DGKI: variants seen among roughly 807,000 people sequenced by gnomAD.
The protein encoded by DGKI is diacylglycerol kinase iota, also known as DAG kinase iota.
DGKI carries 55 observed loss-of-function variants against 147.5 expected under a neutral mutation model. The ratio of observed to expected loss-of-function variants is 0.37; its 90% CI spans 0.30 to 0.47. The LOEUF (loss-of-function observed/expected upper bound fraction) is 0.47. DGKI is among the 20% of genes least tolerant of loss of function. The pLI is 1.00. For missense variants in DGKI, 1,007 were observed against 1,323.8 expected, an observed-to-expected ratio of 0.76 and a Z score of 3.71; for synonymous variants, 469 against 477.1, an observed-to-expected ratio of 0.98 and a Z score of 0.22.
chr7:137,526,796 C>T (rs944590437), intron 20 of DGKI, among the ~76,000 whole-genome samples: 4 of 152,074 alleles, frequency 2.6e-5, no homozygotes, highest in Non-Finnish European at 5.9e-5. Flanking sequence ...AGTCGTATTC[C>T]TCCCTAGTGC....
intron 20 of DGKI, among the ~76,000 whole-genome samples, chr7:137,550,292 C>T (rs930679371): frequency 6.6e-6 from 1 of 151,788 alleles, no homozygotes. Flanking sequence ...GCTGGGATTA[C>T]AGCCTCCTGA....
At chr7:137,739,575 T>C (rs762079434) in intron 1 of DGKI, among the ~76,000 whole-genome samples, 6 of 152,156 alleles carry the variant, frequency 3.9e-5, no homozygotes, top group Admixed American at 2.0e-4. Flanking sequence ...TACTTGCTAA[T>C]TTCCCATGGG....
chr7:137,829,733 T>C (rs1037678354), intron 1 of DGKI, among the ~76,000 whole-genome samples: 2 of 152,234 alleles, frequency 1.3e-5, no homozygotes, highest in African/African-American at 4.8e-5. Flanking sequence ...GTAATTTTCT[T>C]GGCCACCAAA....
At chr7:137,762,458 C>T (rs929735084) in intron 1 of DGKI, among the ~76,000 whole-genome samples, 3 of 152,194 alleles carry the variant, frequency 2.0e-5, no homozygotes, top group Non-Finnish European at 4.4e-5. Flanking sequence ...CAGCAGGGAA[C>T]GCTAAAGTGA....
At chr7:137,679,811 A>C in intron 2 of DGKI, among the ~76,000 whole-genome samples, 1 of 151,790 alleles carries the variant, frequency 6.6e-6, no homozygotes, top group Non-Finnish European at 1.5e-5. Context: ...AACATGGTGA[A>C]ACCTCATCTC....
At chr7:137,627,488 T>C (rs866368596) in intron 6 of DGKI, among the ~76,000 whole-genome samples, 1 of 152,154 alleles carries the variant, frequency 6.6e-6, no homozygotes, top group Non-Finnish European at 1.5e-5. Context: ...CTTCACGCTA[T>C]CCAGACATTA....
intron 3 of DGKI, among the ~76,000 whole-genome samples, chr7:137,675,424 C>T (rs970641127): frequency 7.2e-6 from 1 of 139,460 alleles, no homozygotes; most frequent in Non-Finnish European, 1.5e-5. Flanking sequence ...GTAGCTCATG[C>T]CTGTAATCCC....
chr7:137,808,926 G>A (rs763156290), intron 1 of DGKI, among the ~76,000 whole-genome samples: 5 of 152,114 alleles, frequency 3.3e-5, no homozygotes, highest in Non-Finnish European at 5.9e-5. Context: ...GGAAGAAGTG[G>A]CCTCAGAATC....
intron 28 of DGKI, among the ~76,000 whole-genome samples, chr7:137,441,136 G>C (rs1449527292): frequency 6.6e-6 from 1 of 152,044 alleles, no homozygotes; most frequent in Admixed American, 6.6e-5. Context: ...AAATCAGAAA[G>C]TGGGCCGGGC....
intron 1 of DGKI, among the ~76,000 whole-genome samples, chr7:137,811,430 C>G (rs961793760): frequency 6.7e-6 from 1 of 148,190 alleles, no homozygotes; most frequent in African/African-American, 2.5e-5. Flanking sequence ...ACCATACTCA[C>G]AGCTCACAAA....
chr7:137,500,108 A>G (rs538583102), intron 21 of DGKI, among the ~76,000 whole-genome samples: 1 of 152,186 alleles, frequency 6.6e-6, no homozygotes, highest in African/African-American at 2.4e-5. Context: ...AATTCAGGTA[A>G]TAGGAACTAC....
chr7:137,718,706 C>T (rs989282302), intron 1 of DGKI, among the ~76,000 whole-genome samples: 2 of 152,110 alleles, frequency 1.3e-5, no homozygotes, highest in African/African-American at 2.4e-5. Flanking sequence ...GAGGTGAGCA[C>T]AACAGTTGCC....
intron 1 of DGKI, among the ~76,000 whole-genome samples, chr7:137,792,838 C>T (rs552377555): frequency 6.6e-6 from 1 of 152,324 alleles, no homozygotes; most frequent in South Asian, 2.1e-4. Flanking sequence ...TAAAAGCTCC[C>T]TGAGGGCCTC....
chr7:137,831,718 T>C (rs1448835637), intron 1 of DGKI, among the ~76,000 whole-genome samples: 1 of 152,136 alleles, frequency 6.6e-6, no homozygotes, highest in East Asian at 1.9e-4. Flanking sequence ...CAAAACCAAC[T>C]GTGCCTTCCC....
At chr7:137,633,451 C>T (rs1821206039) in intron 6 of DGKI, among the ~76,000 whole-genome samples, 1 of 152,200 alleles carries the variant, frequency 6.6e-6, no homozygotes, top group South Asian at 2.1e-4. Context: ...ATCAATGTCA[C>T]ATTCTTAAGA....
chr7:137,422,356 TTC>T (rs1347007963), intron 28 of DGKI, among the ~76,000 whole-genome samples: 1 of 152,196 alleles, frequency 6.6e-6, no homozygotes, highest in African/African-American at 2.4e-5. Flanking sequence ...TCAATATCAA[TTC>T]TTTCTCTAGC....
intron 8 of DGKI, 78 bp downstream of exon 8, chr7:137,619,745 TA>T: frequency 9.3e-7 from 1 of 1,072,672 alleles, no homozygotes; most frequent in Non-Finnish European, 1.4e-6. Flanking sequence ...ACCCAAAGAC[TA>T]GTCTGGGGAG....
chr7:137,512,167 G>A (rs1413122840), intron 21 of DGKI, among the ~76,000 whole-genome samples: 2 of 152,174 alleles, frequency 1.3e-5, no homozygotes, highest in South Asian at 2.1e-4. Flanking sequence ...GAAGTAGGCT[G>A]TATACTAGAA....
At chr7:137,819,812 C>T (rs528069073) in intron 1 of DGKI, among the ~76,000 whole-genome samples, 93 of 152,284 alleles carry the variant, frequency 6.1e-4, no homozygotes, top group Non-Finnish European at 1.2e-3. Context: ...CACATGCATG[C>T]TAGTGTCAAC....
Sources: gnomAD v4.1 joint callset for allele counts (sites outside exome capture counted in the v4.1 genomes callset) on GRCh38, gnomAD v4.1.1 for gene constraint, MANE v1.5 for transcripts, NCBI Gene and HGNC (gene_info 2026-07-23, HGNC 2026-07-21) for gene names.